The following GNG7 variants were observed in gnomAD, a reference collection of about 807,000 sequenced individuals.
The protein encoded by GNG7 is G protein subunit gamma 7, also known as guanine nucleotide-binding protein G(I)/G(S)/G(O) subunit gamma-7.
A neutral mutation model predicts 4.0 loss-of-function variants in GNG7; 1 was observed. The observed-to-expected ratio is 0.25, with a 90% CI of 0.09 to 1.18. The LOEUF (loss-of-function observed/expected upper bound fraction) is 1.18. Among genes scored for constraint, GNG7 ranks in the 50% most tolerant of loss-of-function variants. GNG7 has a pLI of 0.50. For missense variants in GNG7, 86 were observed against 91.9 expected (o/e 0.94, Z 0.26); for synonymous variants, 34 against 36.9 (o/e 0.92, Z 0.29).
chr19:2,568,976 AACAT>A (rs763930668), intron 2 of GNG7, among the ~76,000 whole-genome samples: 26 of 151,760 alleles, frequency 1.7e-4, no homozygotes, highest in Non-Finnish European at 1.2e-4. Context: ...TGTGCACAAA[AACAT>A]ACACATACAC....
At chr19:2,685,459 A>AC (rs1202994284) in intron 1 of GNG7, among the ~76,000 whole-genome samples, 4 of 152,038 alleles carry the variant, frequency 2.6e-5, no homozygotes, top group Non-Finnish European at 5.9e-5. Flanking sequence ...CCCCATCTCT[A>AC]CAAAAAAATT....
At chr19:2,564,703 G>T (rs528372597) in intron 2 of GNG7, among the ~76,000 whole-genome samples, 2 of 152,286 alleles carry the variant, frequency 1.3e-5, no homozygotes, top group African/African-American at 4.8e-5. Context: ...CCCAGAAGCT[G>T]GGAGAGGCCG....
chr19:2,573,630 A>T (rs1359891205), intron 2 of GNG7, among the ~76,000 whole-genome samples: 1 of 152,026 alleles, frequency 6.6e-6, no homozygotes, highest in African/African-American at 2.4e-5. Flanking sequence ...CAGCCTGGTC[A>T]ACATGGTGAA....
rs553383087 is a variant in GNG7 at position 2,524,368 on chromosome 19, T to A, written c.-37-3643A>T. Among the ~76,000 whole-genome samples, 3 of 152,382 alleles carry A rather than the reference T, an allele frequency of 2.0e-5. No individual in the cohort carries two copies. The South Asian group carries it at 6.2e-4, about 32-fold the overall frequency. ...CTATGTTTATTTGCATGTATGTCAA[T>A]GATGCACATGTGACTGTACACGTGT... On this transcript the variant is annotated intron_variant, in intron 3 of 4. Coordinates refer to ENST00000382159, the MANE Select transcript of GNG7 (RefSeq NM_052847.3).
chr19:2,670,442 A>G (rs773288004), intron 1 of GNG7, among the ~76,000 whole-genome samples: 1 of 152,226 alleles, frequency 6.6e-6, no homozygotes, highest in Non-Finnish European at 1.5e-5. Flanking sequence ...GCAGGCACAC[A>G]GGTCACCCTG....
chr19:2,538,571 A>C (rs936452062), intron 3 of GNG7: 1 of 359,264 alleles, frequency 2.8e-6, no homozygotes, highest in Non-Finnish European at 5.4e-6. Context: ...TTGGAAGCTG[A>C]AGTGAGCTAT....
In GNG7 at chr19:2,684,895, G is replaced by C. The variant is rs372283477; in HGVS notation, c.-135+17751C>G. ...TCCCAACACTCTGGGAGGCCGAGGC[G>C]GGTGGATCACCTGAGGTCAGGAGTT... On this transcript the variant is annotated intron_variant, in intron 1 of 4. Coordinates refer to ENST00000382159, the MANE Select transcript of GNG7 (RefSeq NM_052847.3). 2.6e-5 allele frequency among the ~76,000 whole-genome samples: 4 copies of C among 152,008 alleles called. No individual in the cohort carries two copies. In the East Asian group the frequency reaches 5.9e-4, roughly 22 times the overall value.
intron 1 of GNG7, among the ~76,000 whole-genome samples, chr19:2,687,326 C>G (rs1393472417): frequency 2.7e-5 from 4 of 150,548 alleles, no homozygotes; most frequent in African/African-American, 9.7e-5. Flanking sequence ...TCCCAAAGTG[C>G]TGGGGTTAGG....
chr19:2,633,491 A>ACACG lies in GNG7; in HGVS notation c.-78+12732_-78+12733insCGTG, dbSNP rs1568268776. Among the ~76,000 whole-genome samples the ACACG allele has an allele frequency of 1.1e-4, 9 of 82,864 alleles. No homozygotes were observed. The highest frequency in any genetic ancestry group is 6.5e-4 in the African/African-American group (9 of 13,870). The allele number at this position is 82,864 out of a possible 152,430, so 54.4% of individuals were successfully genotyped here. ...AACAGGCGCGCGCGCGCGCGCGCAC[A>ACACG]CACACACACACACACACACACACAC... On this transcript the variant is annotated intron_variant, in intron 2 of 4. Transcript: ENST00000382159. This position sits in a 1 kb window ranked among gnomAD's most constrained non-coding sequence, Gnocchi z 5.9.
At chr19:2,675,266 C>T (rs1429292261) in intron 1 of GNG7, among the ~76,000 whole-genome samples, 4 of 152,166 alleles carry the variant, frequency 2.6e-5, no homozygotes, top group East Asian at 1.9e-4. Context: ...CAACGGTGGA[C>T]GACTGGTCAA....
intron 3 of GNG7, among the ~76,000 whole-genome samples, chr19:2,553,464 TTATATATTATATAC>T (rs1979407160): frequency 6.8e-6 from 1 of 147,390 alleles, no homozygotes; most frequent in Non-Finnish European, 1.5e-5. Context: ...ATATATTATG[TTATATATTATATAC>T]TATATATTAT....
At chr19:2,574,334 C>G (rs1980243318) in intron 2 of GNG7, among the ~76,000 whole-genome samples, 1 of 152,176 alleles carries the variant, frequency 6.6e-6, no homozygotes, top group African/African-American at 2.4e-5. Flanking sequence ...CTCTCCAGAA[C>G]TTTCTCCTCT....
chr19:2,598,685 AT>A (rs1264414155), intron 2 of GNG7, among the ~76,000 whole-genome samples: 1 of 61,748 alleles, frequency 1.6e-5, no homozygotes, highest in Non-Finnish European at 4.6e-5. Flanking sequence ...TAAAATAATA[AT>A]AATAATAATA....
At chr19:2,553,012 G>C (rs1979383569) in intron 3 of GNG7, among the ~76,000 whole-genome samples, 1 of 149,764 alleles carries the variant, frequency 6.7e-6, no homozygotes, top group South Asian at 2.1e-4. Context: ...TCAGAGCAGC[G>C]ATAAACGAGA....
rs78222491 is a variant in GNG7 at position 2,672,526 on chromosome 19, A to G, written c.-134-26246T>C. 3.2e-3 allele frequency among the ~76,000 whole-genome samples: 480 copies of G among 151,302 alleles called. 6 individuals carry two copies. The highest frequency in any genetic ancestry group is 0.011 in the African/African-American group (459 of 41,172). ...CAGTGGTGCGATCTCAGCTCGCTGC[A>G]AACCCTGCCTCCCATGTTGAAGCAA... On this transcript the variant is annotated intron_variant, in intron 1 of 4. Transcript: ENST00000382159.
chr19:2,588,732 T>A (rs1039247277), intron 2 of GNG7, among the ~76,000 whole-genome samples: 1 of 152,148 alleles, frequency 6.6e-6, no homozygotes, highest in Non-Finnish European at 1.5e-5. Flanking sequence ...TTGGAGTGGC[T>A]CCAAGTCCTC....
At chr19:2,543,288 A>T (rs554295482) in intron 3 of GNG7, among the ~76,000 whole-genome samples, 1 of 147,588 alleles carries the variant, frequency 6.8e-6, no homozygotes, top group East Asian at 2.0e-4. Context: ...TGGTGCAATC[A>T]CAGCTCACTG....
At chr19:2,644,590 A>T (rs901747244) in intron 2 of GNG7, among the ~76,000 whole-genome samples, 6 of 151,938 alleles carry the variant, frequency 3.9e-5, no homozygotes, top group Non-Finnish European at 7.4e-5. Context: ...GAACATTCTA[A>T]TTATGCCAAG....
intron 2 of GNG7, among the ~76,000 whole-genome samples, chr19:2,588,461 G>T (rs1980741353): frequency 6.6e-6 from 1 of 152,224 alleles, no homozygotes; most frequent in African/African-American, 2.4e-5. Context: ...AAAGTCAACA[G>T]CTGGTGAATC....
Sources: gnomAD v4.1 joint callset for allele counts (sites outside exome capture counted in the v4.1 genomes callset) on GRCh38, gnomAD v4.1.1 for gene constraint, Gnocchi (gnomAD v3.1) non-coding constraint, MANE v1.5 for transcripts, NCBI Gene and HGNC (gene_info 2026-07-23, HGNC 2026-07-21) for gene names.